Variants in OLFM3 observed in about 807,000 individuals in gnomAD.
OLFM3 encodes noelin-3.
A neutral mutation model predicts 48.6 loss-of-function variants in OLFM3; 20 were observed. The ratio of observed to expected loss-of-function variants is 0.41; its 90% CI spans 0.29 to 0.60. The LOEUF (loss-of-function observed/expected upper bound fraction) is 0.60, where lower values mean the gene tolerates loss of function less well. OLFM3 is among the 20% of genes least tolerant of loss of function. The probability of loss-of-function intolerance (pLI) is 0.28; values close to 1 mark genes in which losing one functional copy is unlikely to be tolerated. For missense variants in OLFM3, 437 were observed against 544.3 expected, an observed-to-expected ratio of 0.80 and a Z score of 1.96; for synonymous variants, 222 against 198.1, an observed-to-expected ratio of 1.12 and a Z score of -1.01.
chr1:101,889,520 G>A (rs1204062451), intron 1 of OLFM3, among the ~76,000 whole-genome samples: 4 of 152,108 alleles, frequency 2.6e-5, no homozygotes, highest in Non-Finnish European at 5.9e-5. Context: ...GTCAAGGGGG[G>A]AGGGATAGCC....
intron 1 of OLFM3, chr1:101,910,123 T>C: frequency 1.0e-6 from 1 of 985,400 alleles, no homozygotes; most frequent in Non-Finnish European, 1.2e-6. Context: ...TACAGTTAAA[T>C]AATCCTCTTC....
At chr1:101,826,350 G>T (rs1654866763) in intron 3 of OLFM3, among the ~76,000 whole-genome samples, 1 of 152,052 alleles carries the variant, frequency 6.6e-6, no homozygotes, top group Admixed American at 6.6e-5. Context: ...TCAGGAGTTT[G>T]ATTCAATTGT....
chr1:101,885,229 C>T (rs1657701112), intron 1 of OLFM3, among the ~76,000 whole-genome samples: 1 of 151,900 alleles, frequency 6.6e-6, no homozygotes, highest in Non-Finnish European at 1.5e-5. Flanking sequence ...TGTAGAAATT[C>T]AAGAGCTAAT....
intron 1 of OLFM3, among the ~76,000 whole-genome samples, chr1:101,857,846 C>T (rs150628175): frequency 2.6e-4 from 39 of 151,954 alleles, no homozygotes; most frequent in African/African-American, 9.2e-4. Context: ...TTGCCTAGGC[C>T]GTATGGCTGC....
At chr1:101,903,700 A>G (rs1180810570) in intron 1 of OLFM3, among the ~76,000 whole-genome samples, 1 of 152,060 alleles carries the variant, frequency 6.6e-6, no homozygotes, top group African/African-American at 2.4e-5. Flanking sequence ...ATCAAAGAAA[A>G]ACAATCCTTG....
At chr1:101,875,262 C>T (rs1263785937) in intron 1 of OLFM3, among the ~76,000 whole-genome samples, 1 of 151,890 alleles carries the variant, frequency 6.6e-6, no homozygotes, top group Non-Finnish European at 1.5e-5. Context: ...TTATATGATA[C>T]TGTGATGGTG....
At chr1:101,940,511 C>T (rs143660207) in intron 1 of OLFM3, among the ~76,000 whole-genome samples, 12 of 151,584 alleles carry the variant, frequency 7.9e-5, no homozygotes, top group Admixed American at 3.3e-4. Flanking sequence ...CTATCTCTGT[C>T]TACCTAATAT....
At chr1:101,966,275 G>C (rs1470530075) in intron 1 of OLFM3, among the ~76,000 whole-genome samples, 1 of 151,418 alleles carries the variant, frequency 6.6e-6, no homozygotes, top group Non-Finnish European at 1.5e-5. Flanking sequence ...AGGTATCCTT[G>C]TGTCTCAGCC....
chr1:101,806,257 AAAG>A, intron 4 of OLFM3, 75 bp from the exon 5 acceptor site: 1 of 1,074,842 alleles, frequency 9.3e-7, no homozygotes, highest in Non-Finnish European at 1.4e-6. Flanking sequence ...CACTAAGAGC[AAAG>A]AAGGGGATCA....
At chr1:101,894,631 A>C (rs78008009) in intron 1 of OLFM3, among the ~76,000 whole-genome samples, 3,965 of 152,224 alleles carry the variant, frequency 0.026, 113 homozygotes, top group East Asian at 0.12. Context: ...AGAGAAATAG[A>C]GTATTTGGCA....
At chr1:101,941,901 C>G (rs532766756) in intron 1 of OLFM3, among the ~76,000 whole-genome samples, 5 of 152,144 alleles carry the variant, frequency 3.3e-5, no homozygotes, top group Admixed American at 6.5e-5. Context: ...GTAAAACTAA[C>G]TTACGTAAAA....
chr1:101,898,505 G>T (rs1658281797), intron 1 of OLFM3, among the ~76,000 whole-genome samples: 2 of 152,238 alleles, frequency 1.3e-5, no homozygotes, highest in South Asian at 4.2e-4. Context: ...ATCTTGAGCA[G>T]TTTGGGGAAC....
intron 1 of OLFM3, among the ~76,000 whole-genome samples, chr1:101,978,481 T>A (rs542439065): frequency 6.6e-6 from 1 of 152,318 alleles, no homozygotes; most frequent in African/African-American, 2.4e-5. Context: ...GTTTTAAGAA[T>A]CTGTTTAAGA....
chr1:101,886,898 C>T (rs888593295), intron 1 of OLFM3, among the ~76,000 whole-genome samples: 2 of 152,054 alleles, frequency 1.3e-5, no homozygotes, highest in African/African-American at 2.4e-5. Context: ...ATGACAGGCT[C>T]TGGGTATAAT....
At chr1:101,833,333 C>T (rs954094085) in intron 2 of OLFM3, among the ~76,000 whole-genome samples, 5 of 152,138 alleles carry the variant, frequency 3.3e-5, no homozygotes, top group African/African-American at 1.2e-4. Flanking sequence ...GTCTAATTGG[C>T]CAGGATTTGG....
chr1:101,990,913 A>G (rs1426100388), intron 1 of OLFM3, among the ~76,000 whole-genome samples: 2 of 142,740 alleles, frequency 1.4e-5, no homozygotes, highest in Non-Finnish European at 3.0e-5. Context: ...TGAACCCAGG[A>G]GGCAGAGCTT....
intron 1 of OLFM3, among the ~76,000 whole-genome samples, chr1:101,849,994 C>G (rs1177117140): frequency 6.6e-6 from 1 of 152,150 alleles, no homozygotes; most frequent in African/African-American, 2.4e-5. Context: ...GCTGCAACAA[C>G]TTAATGGACT....
At chr1:101,940,738 A>G (rs947647915) in intron 1 of OLFM3, among the ~76,000 whole-genome samples, 11 of 150,380 alleles carry the variant, frequency 7.3e-5, no homozygotes, top group African/African-American at 2.7e-4. Context: ...AGCTTTGTAT[A>G]TATATGTATG....
intron 1 of OLFM3, among the ~76,000 whole-genome samples, chr1:101,992,806 T>C (rs1006252833): frequency 1.3e-5 from 2 of 152,142 alleles, no homozygotes; most frequent in African/African-American, 2.4e-5. Flanking sequence ...ATTAAAATAT[T>C]CCTACTGCTT....
Sources: gnomAD v4.1 joint callset for allele counts (sites outside exome capture counted in the v4.1 genomes callset) on GRCh38, gnomAD v4.1.1 for gene constraint, MANE v1.5 for transcripts, NCBI Gene and HGNC (gene_info 2026-07-23, HGNC 2026-07-21) for gene names.